NR6A1: variants seen among roughly 807,000 people sequenced by gnomAD.
The protein encoded by NR6A1 is nuclear receptor subfamily 6 group A member 1, also known as retinoic acid receptor-related testis-associated receptor.
Under a neutral mutation model 59.1 loss-of-function variants are expected in NR6A1, and 7 were observed. That is an observed-to-expected ratio of 0.12 (90% CI 0.07 to 0.22). NR6A1 has a LOEUF of 0.22. Ranked by LOEUF, NR6A1 falls within the 10% of genes least tolerant of loss-of-function variation. The pLI is 1.00. For missense variants in NR6A1, 468 were observed against 611.6 expected, an observed-to-expected ratio of 0.77 and a Z score of 2.48; for synonymous variants, 243 against 236.1, an observed-to-expected ratio of 1.03 and a Z score of -0.27.
chr9:124,659,906 T>C (rs1426204917), intron 2 of NR6A1, among the ~76,000 whole-genome samples: 1 of 152,232 alleles, frequency 6.6e-6, no homozygotes, highest in East Asian at 1.9e-4. Flanking sequence ...GAAGCAGACT[T>C]GTTTTATTTG....
In NR6A1 at chr9:124,630,395, A is replaced by AT. The variant is rs879564584; in HGVS notation, c.143-75826dup. Among the ~76,000 whole-genome samples, 413 of 142,054 alleles carry AT rather than the reference A, an allele frequency of 2.9e-3. 2 individuals carry two copies. The highest frequency in any genetic ancestry group is 7.2e-3 in the Middle Eastern group (2 of 278). The allele number at this position is 142,054 out of a possible 152,430, so 93.2% of individuals were successfully genotyped here. A position where few individuals can be genotyped will look rare whatever the true frequency, so the allele number is the denominator to read the frequency against. ...AGGCGCATGACACCACGCCTGGCTA[A>AT]TTTTTTTTTTTTTGTATTTTTAGTA... On this transcript the variant is annotated intron_variant, in intron 2 of 9. Coordinates refer to ENST00000487099, the MANE Select transcript of NR6A1 (RefSeq NM_033334.4).
intron 2 of NR6A1, among the ~76,000 whole-genome samples, chr9:124,568,045 G>C (rs540817549): frequency 1.4e-4 from 21 of 150,992 alleles, no homozygotes; most frequent in African/African-American, 4.4e-4. Flanking sequence ...ATGGTGGTGT[G>C]TGCCTGTAGT....
chr9:124,573,026 T>C (rs1834486652), intron 2 of NR6A1, among the ~76,000 whole-genome samples: 1 of 152,246 alleles, frequency 6.6e-6, no homozygotes, highest in Admixed American at 6.5e-5. Flanking sequence ...CAGTTCATGG[T>C]TCAAAGTTGT....
rs552984323 is a variant in NR6A1, at chr9:124,765,833, C to T, written c.100+5187G>A. ...TAACAAAGAATGAAGAACGAAATAC[C>T]GTAGGAAATGTTTTATTCTTTCAAA... On this transcript the variant is annotated intron_variant, in intron 1 of 9. Transcript: ENST00000487099. Among the ~76,000 whole-genome samples, 3 of 152,232 alleles carry T rather than the reference C, an allele frequency of 2.0e-5. No individual in the cohort carries two copies. In the East Asian group the frequency reaches 5.8e-4, roughly 29 times the overall value.
At chr9:124,769,129 C>T (rs1480003795) in intron 1 of NR6A1, among the ~76,000 whole-genome samples, 2 of 152,146 alleles carry the variant, frequency 1.3e-5, no homozygotes, top group Non-Finnish European at 2.9e-5. Flanking sequence ...TAACTGGATT[C>T]CAGCTTCCCC....
chr9:124,647,056 A>G (rs1836950113), intron 2 of NR6A1, among the ~76,000 whole-genome samples: 2 of 152,178 alleles, frequency 1.3e-5, no homozygotes, highest in Admixed American at 1.3e-4. Flanking sequence ...CTAGGACTAC[A>G]GGCTCACACC....
intron 1 of NR6A1, among the ~76,000 whole-genome samples, chr9:124,747,562 T>C (rs1018695269): frequency 1.2e-4 from 19 of 152,166 alleles, no homozygotes; most frequent in African/African-American, 3.9e-4. Context: ...CAAATGTCTA[T>C]TGTCAATGTC....
chr9:124,624,599 T>C (rs1836180863), intron 2 of NR6A1, among the ~76,000 whole-genome samples: 1 of 152,326 alleles, frequency 6.6e-6, no homozygotes, highest in Non-Finnish European at 1.5e-5. Context: ...ACTACTTTCA[T>C]AGGACCATGA....
At chr9:124,679,365 G>A (rs1043035434) in intron 2 of NR6A1, among the ~76,000 whole-genome samples, 1 of 152,100 alleles carries the variant, frequency 6.6e-6, no homozygotes, top group Non-Finnish European at 1.5e-5. Context: ...TACTTCCTAT[G>A]TTAAAACGAC....
At chr9:124,548,563 G>T (rs777391753) in intron 3 of NR6A1, among the ~76,000 whole-genome samples, 5 of 152,072 alleles carry the variant, frequency 3.3e-5, no homozygotes, top group Non-Finnish European at 7.4e-5. Context: ...TAAGGAACAC[G>T]AACTTTGATT....
chr9:124,656,367 T>C lies in NR6A1; in HGVS notation c.142+76941A>G, dbSNP rs147114316. Reference sequence around the variant, plus strand: ...AGCAACACTAAAGGGACTAAGACAGTAGTATACACATGCAATGGTATATTA... The same window carrying C: ...AGCAACACTAAAGGGACTAAGACAGCAGTATACACATGCAATGGTATATTA... On this transcript the variant is annotated intron_variant, in intron 2 of 9. Transcript: ENST00000487099. Among the ~76,000 whole-genome samples the C allele has an allele frequency of 2.5e-3, 375 of 152,272 alleles. 2 individuals carry two copies. Among genetic ancestry groups the C allele is most frequent in the African/African-American group, 8.6e-3 (359 of 41,558 alleles).
intron 2 of NR6A1, among the ~76,000 whole-genome samples, chr9:124,586,942 C>T (rs182279388): frequency 1.3e-5 from 2 of 152,334 alleles, no homozygotes; most frequent in African/African-American, 4.8e-5. Flanking sequence ...AGAGGTTCTA[C>T]TGTGAATAAA....
chr9:124,643,760 CAA>C (rs1185801928), intron 2 of NR6A1, among the ~76,000 whole-genome samples: 6 of 127,316 alleles, frequency 4.7e-5, no homozygotes, highest in South Asian at 2.4e-4. Context: ...CTCAAAAAAA[CAA>C]AAAAAAAAAA....
Position 124,670,909 on chromosome 9 carries a change from GA to G in NR6A1, c.142+62398del, listed in dbSNP as rs529473469. Among the ~76,000 whole-genome samples the G allele has an allele frequency of 6.0e-4, 91 of 151,976 alleles. 1 individual carries two copies. In the South Asian group the frequency reaches 0.018, roughly 31 times the overall value. On this transcript the variant is annotated intron_variant, in intron 2 of 9. Coordinates refer to ENST00000487099, the MANE Select transcript of NR6A1 (RefSeq NM_033334.4). ...CTTGGGCCGTTGCAGTTATTCAGAT[GA>G]AAAAAAATGGTTTTGACCACAGTGG...
intron 2 of NR6A1, among the ~76,000 whole-genome samples, chr9:124,607,825 G>A (rs144353014): frequency 9.2e-4 from 140 of 152,190 alleles, no homozygotes; most frequent in Middle Eastern, 3.4e-3. Flanking sequence ...TAGGATGATC[G>A]CTTGAGGCCA....
In NR6A1 at chr9:124,604,050, C is replaced by T. The variant is rs774833724; in HGVS notation, c.143-49480G>A. ...TAAAAGAAAGGACAATGAGGGCTTACGCAGTCTTTCTTTAGGGTAGAACTT... is the reference window on the plus strand; with the variant it reads ...TAAAAGAAAGGACAATGAGGGCTTATGCAGTCTTTCTTTAGGGTAGAACTT... On this transcript the variant is annotated intron_variant, in intron 2 of 9. Transcript: ENST00000487099. 2.8e-4 allele frequency among the ~76,000 whole-genome samples: 42 copies of T among 152,216 alleles called. 2 individuals carry two copies. Among genetic ancestry groups the T allele is most frequent in the East Asian group, 1.9e-4 (1 of 5,202 alleles).
rs1832789897 is a variant in NR6A1 at position 124,521,047 on chromosome 9, T to C, written c.*1658A>G. 1 of 152,188 alleles carries C rather than the reference T, an allele frequency of 6.6e-6. No individual in the cohort carries two copies. 9.4% of individuals were successfully genotyped at this position (152,188 alleles called of 1,614,324 possible). A position where few individuals can be genotyped will look rare whatever the true frequency, so the allele number is the denominator to read the frequency against. On this transcript the variant is annotated 3_prime_UTR_variant, in exon 10 of 10. Coordinates refer to ENST00000487099, the MANE Select transcript of NR6A1 (RefSeq NM_033334.4). ...TCCTGGGTAGCTTTACTAGGTTGAG[T>C]TGAGGAGACAGCAAACAGCCTTTGA...
intron 3 of NR6A1, among the ~76,000 whole-genome samples, chr9:124,545,622 C>T (rs1045177689): frequency 6.6e-6 from 1 of 152,196 alleles, no homozygotes; most frequent in African/African-American, 2.4e-5. Context: ...ATAATAACAT[C>T]TCACATGTCT....
intron 2 of NR6A1, among the ~76,000 whole-genome samples, chr9:124,731,414 T>C (rs1434377823): frequency 1.3e-5 from 2 of 149,246 alleles, no homozygotes; most frequent in African/African-American, 4.9e-5. Context: ...GAAAAATAAC[T>C]GAATTTATCT....
Sources: gnomAD v4.1 joint callset for allele counts (sites outside exome capture counted in the v4.1 genomes callset) on GRCh38, gnomAD v4.1.1 for gene constraint, MANE v1.5 for transcripts, NCBI Gene and HGNC (gene_info 2026-07-23, HGNC 2026-07-21) for gene names.